WBP2NL: variants seen among roughly 807,000 people sequenced by gnomAD.
The protein encoded by WBP2NL is WBP2 N-terminal like, also known as postacrosomal sheath WW domain-binding protein.
Under a neutral mutation model 23.3 loss-of-function variants are expected in WBP2NL, and 27 were observed. The observed-to-expected ratio is 1.16, with a 90% CI of 0.85 to 1.60. The LOEUF (loss-of-function observed/expected upper bound fraction) is 1.60. WBP2NL is among the 40% of genes most tolerant of loss of function. The pLI is 0.00. For missense variants in WBP2NL, 370 were observed against 389.5 expected (o/e 0.95, Z 0.42); for synonymous variants, 151 against 145.9 (o/e 1.03, Z -0.25).
At chr22:42,040,879 T>G (rs889522968) in intron 8 of WBP2NL, among the ~76,000 whole-genome samples, 3 of 152,262 alleles carry the variant, frequency 2.0e-5, no homozygotes, top group African/African-American at 7.2e-5. Context: ...GAAATTGTAT[T>G]CTGCTGCTGT....
At chr22:42,016,745 C>T (rs532467511) in intron 1 of WBP2NL, among the ~76,000 whole-genome samples, 80 of 152,276 alleles carry the variant, frequency 5.3e-4, no homozygotes, top group African/African-American at 1.9e-3. Context: ...TAAAAATCCT[C>T]CCCTTTTAAT....
intron 1 of WBP2NL, among the ~76,000 whole-genome samples, chr22:42,014,554 C>T (rs181708772): frequency 6.6e-6 from 1 of 152,144 alleles, no homozygotes; most frequent in Non-Finnish European, 1.5e-5. Flanking sequence ...CCCTTTCTCT[C>T]TCTCCTCTCC....
At chr22:42,037,737 T>C (rs566192496), downstream of WBP2NL, among the ~76,000 whole-genome samples, 2 of 152,202 alleles carry the variant, frequency 1.3e-5, no homozygotes, top group South Asian at 4.1e-4. Context: ...ATCTTTGGTA[T>C]ATAGAGATGC....
rs778639624 is a variant in WBP2NL, at chr22:41,998,805, A to AG, written c.-12dup. 1 of 1,605,654 alleles carries AG rather than the reference A, an allele frequency of 6.2e-7. No individual in the cohort carries two copies. The highest frequency in any genetic ancestry group is 1.3e-5 in the African/African-American group (1 of 74,582). Reference sequence around the variant, plus strand: ...CCCTTTCCATCTACGGGGCGGCAGGAGGCCCGAAGCAAGATGGCGGTGAAT... The same window carrying AG: ...CCCTTTCCATCTACGGGGCGGCAGGAGGGCCCGAAGCAAGATGGCGGTGAAT... On this transcript the variant is annotated 5_prime_UTR_variant, in exon 1 of 6. Transcript: ENST00000328823.
intron 8 of WBP2NL, among the ~76,000 whole-genome samples, chr22:42,041,581 C>T (rs1027604988): frequency 1.0e-4 from 15 of 150,744 alleles, no homozygotes; most frequent in African/African-American, 3.2e-4. Context: ...CTTTTTCTAT[C>T]CCTTCACCTT....
chr22:42,037,850 A>AGTGTGTGTGTGT (rs145563548), downstream of WBP2NL, among the ~76,000 whole-genome samples: 4 of 143,714 alleles, frequency 2.8e-5, no homozygotes, highest in African/African-American at 1.0e-4. Flanking sequence ...AGAGAGTGAG[A>AGTGTGTGTGTGT]GTGTGTGTGT....
At position 42,026,923 on chromosome 22, in the gene WBP2NL, C is replaced by A. The variant is rs901271525; in HGVS notation, c.672C>A (p.Tyr224Ter). Residue 224 changes from tyrosine (Y) to a stop codon, truncating the protein, a stop_gained, in exon 6 of 6, where the codon TAC becomes TAA. Coordinates refer to ENST00000328823, the MANE Select transcript of WBP2NL (RefSeq NM_152613.3). LOFTEE classifies it low-confidence loss of function (END_TRUNC). ...GATATGGAGCCCCACCTCTTGGATA[C>A]GGAGCCCCACCTGCAGGATATGGAG... ...PVRYGAPPLG[Y>*]GAPPAGYGAP... 2 of 1,598,970 alleles carry A rather than the reference C, an allele frequency of 1.3e-6. No individual in the cohort carries two copies. Among genetic ancestry groups the A allele is most frequent in the Non-Finnish European group, 1.7e-6 (2 of 1,175,072 alleles).
In WBP2NL at chr22:42,027,275, A is replaced by C; in HGVS notation, c.*94A>C. 6 of 1,458,406 alleles carry C rather than the reference A, an allele frequency of 4.1e-6. No homozygotes were observed. Among genetic ancestry groups the C allele is most frequent in the Non-Finnish European group, 5.5e-6 (6 of 1,098,454 alleles). 90.3% of individuals were successfully genotyped at this position (1,458,406 alleles called of 1,614,324 possible). On this transcript the variant is annotated 3_prime_UTR_variant, in exon 6 of 6. Transcript: ENST00000328823. Reference sequence around the variant, plus strand: ...GAGGACGACTCAGGTATGTGATCACAGGCTTCTCGCAGGTAGTTGTTCCAC... The same window carrying C: ...GAGGACGACTCAGGTATGTGATCACCGGCTTCTCGCAGGTAGTTGTTCCAC...
intron 2 of WBP2NL, 92 bp downstream of exon 2, chr22:42,019,511 T>C (rs1923680367): frequency 1.9e-6 from 3 of 1,548,490 alleles, no homozygotes; most frequent in African/African-American, 2.7e-5. Flanking sequence ...TTGAAGTGTT[T>C]TTAAACGTGC....
intron 8 of WBP2NL, among the ~76,000 whole-genome samples, chr22:42,047,954 T>A (rs897344486): frequency 6.6e-6 from 1 of 151,726 alleles, no homozygotes; most frequent in Non-Finnish European, 1.5e-5. Context: ...AGAAAGAAAA[T>A]CTGCAGACCA....
chr22:42,042,096 A>G (rs991888470), intron 8 of WBP2NL, among the ~76,000 whole-genome samples: 8 of 152,228 alleles, frequency 5.3e-5, no homozygotes, highest in Non-Finnish European at 8.8e-5. Context: ...TGCATCTTTC[A>G]AAAGTTTTTG....
At chr22:42,013,936 C>G (rs1394668814) in intron 1 of WBP2NL, among the ~76,000 whole-genome samples, 1 of 151,946 alleles carries the variant, frequency 6.6e-6, no homozygotes, top group East Asian at 1.9e-4. Context: ...ATGCACCACC[C>G]ACGCCTGGCT....
chr22:42,045,278 A>G (rs989548622), intron 8 of WBP2NL, among the ~76,000 whole-genome samples: 1 of 152,034 alleles, frequency 6.6e-6, no homozygotes, highest in African/African-American at 2.4e-5. Flanking sequence ...CTCTACTAAA[A>G]AAAATACAAA....
chr22:42,039,007 G>T (rs1323897164), intron 8 of WBP2NL, among the ~76,000 whole-genome samples: 1 of 151,848 alleles, frequency 6.6e-6, no homozygotes, highest in East Asian at 1.9e-4. Context: ...CTGGGCTCAG[G>T]TGATCCTCCT....
At chr22:42,045,976 G>GT (rs1175415512) in intron 8 of WBP2NL, among the ~76,000 whole-genome samples, 3 of 152,324 alleles carry the variant, frequency 2.0e-5, no homozygotes, top group South Asian at 2.1e-4. Flanking sequence ...ATAGGTATGG[G>GT]TTTTTTCTCC....
At chr22:42,011,533 A>G (rs898178604) in intron 1 of WBP2NL, among the ~76,000 whole-genome samples, 2 of 150,636 alleles carry the variant, frequency 1.3e-5, no homozygotes, top group Non-Finnish European at 3.0e-5. Context: ...GATTAAAGGC[A>G]TGAGCCACCA....
intron 8 of WBP2NL, among the ~76,000 whole-genome samples, chr22:42,042,169 T>A (rs913262201): frequency 3.3e-5 from 5 of 152,260 alleles, no homozygotes; most frequent in Non-Finnish European, 5.9e-5. Context: ...TTTGGGATCC[T>A]ATGGGCTTCT....
chr22:42,015,217 A>G (rs1301149909), intron 1 of WBP2NL, among the ~76,000 whole-genome samples: 1 of 152,152 alleles, frequency 6.6e-6, no homozygotes, highest in African/African-American at 2.4e-5. Context: ...GGCCACTGGA[A>G]TCTCAGTTCT....
intron 8 of WBP2NL, among the ~76,000 whole-genome samples, chr22:42,057,869 G>GTATATATATATATATATA (rs5845518): frequency 2.5e-4 from 8 of 32,548 alleles, no homozygotes; most frequent in African/African-American, 5.9e-4. Context: ...GTGTGTGTAT[G>GTATATATATATATATATA]TATATATATA....
Sources: allele counts gnomAD v4.1 joint callset (sites outside exome capture counted in the v4.1 genomes callset), GRCh38; gene constraint gnomAD v4.1.1; transcripts MANE v1.5; gene names NCBI Gene and HGNC (gene_info 2026-07-23, HGNC 2026-07-21).